The following LRRC8D variants were observed in gnomAD, a reference collection of about 807,000 sequenced individuals.
The protein encoded by LRRC8D is volume-regulated anion channel subunit LRRC8D.
Under a neutral mutation model 55.8 loss-of-function variants are expected in LRRC8D, and 20 were observed. That is an observed-to-expected ratio of 0.36 (90% CI 0.25 to 0.52). The LOEUF (loss-of-function observed/expected upper bound fraction) is 0.52. Ranked by LOEUF, LRRC8D falls within the 20% of genes least tolerant of loss-of-function variation. The pLI, the probability that LRRC8D is intolerant of heterozygous loss-of-function variation, is 0.93. For missense variants in LRRC8D, 651 were observed against 1,030.8 expected (o/e 0.63, Z 5.05); for synonymous variants, 352 against 377.0 (o/e 0.93, Z 0.77).
intron 2 of LRRC8D, among the ~76,000 whole-genome samples, chr1:89,879,910 T>C (rs1662237815): frequency 1.3e-5 from 2 of 152,130 alleles, no homozygotes; most frequent in Admixed American, 1.3e-4. Flanking sequence ...CTATGAAATG[T>C]ATTAAAATTG....
At chr1:89,822,329 G>A (rs1382194202) in intron 1 of LRRC8D, 1 of 152,842 alleles carries the variant, frequency 6.5e-6, no homozygotes, top group Non-Finnish European at 1.5e-5. Context: ...GATGTAGGCG[G>A]AGAGATGGGG....
intron 2 of LRRC8D, among the ~76,000 whole-genome samples, chr1:89,891,028 C>T (rs1662565064): frequency 6.6e-6 from 1 of 152,076 alleles, no homozygotes; most frequent in Non-Finnish European, 1.5e-5. Flanking sequence ...ACTGCAGGCG[C>T]CCACCACCAT....
intron 1 of LRRC8D, among the ~76,000 whole-genome samples, chr1:89,840,499 C>T (rs1661107704): frequency 6.6e-6 from 1 of 152,154 alleles, no homozygotes; most frequent in Non-Finnish European, 1.5e-5. Context: ...TGTGGCTGCC[C>T]TTCCCCCACA....
Position 89,821,246 on chromosome 1 carries a change from C to A in LRRC8D, c.-193C>A, listed in dbSNP as rs930739514. The A allele has an allele frequency of 6.6e-6, 1 of 152,576 alleles. No homozygotes were observed. The highest frequency in any genetic ancestry group is 2.4e-5 in the African/African-American group (1 of 41,418). The allele number at this position is 152,576 out of a possible 1,614,324, so 9.5% of individuals were successfully genotyped here. On this transcript the variant is annotated 5_prime_UTR_variant, in exon 1 of 3. Transcript: ENST00000337338. Reference sequence around the variant, plus strand: ...CCGCCGCGGGTGATGCCGCCACCTCCGGCCTCAGCATAAGCCGTGGCTTGG... The same window carrying A: ...CCGCCGCGGGTGATGCCGCCACCTCAGGCCTCAGCATAAGCCGTGGCTTGG...
At chr1:89,902,520 A>T (rs1662888538) in intron 2 of LRRC8D, among the ~76,000 whole-genome samples, 1 of 151,280 alleles carries the variant, frequency 6.6e-6, no homozygotes, top group Non-Finnish European at 1.5e-5. Flanking sequence ...TAATAAAAGG[A>T]TGTTTTCTTT....
intron 1 of LRRC8D, among the ~76,000 whole-genome samples, chr1:89,841,345 G>T (rs1243114968): frequency 1.3e-5 from 2 of 152,104 alleles, no homozygotes; most frequent in East Asian, 3.9e-4. Context: ...GAGGAGAAAA[G>T]GGTGGGTGAG....
intron 2 of LRRC8D, among the ~76,000 whole-genome samples, chr1:89,909,188 A>G (rs1224003066): frequency 6.6e-6 from 1 of 152,170 alleles, no homozygotes; most frequent in Non-Finnish European, 1.5e-5. Context: ...TGATGACAGT[A>G]TCTGATTTAG....
intron 2 of LRRC8D, among the ~76,000 whole-genome samples, chr1:89,891,247 A>G (rs549899295): frequency 2.6e-5 from 4 of 152,240 alleles, no homozygotes; most frequent in Non-Finnish European, 2.9e-5. Context: ...TACCTTGTCT[A>G]TCCATTTGGG....
chr1:89,837,266 A>G (rs67951971), intron 1 of LRRC8D, among the ~76,000 whole-genome samples: 13,653 of 152,182 alleles, frequency 0.09, 728 homozygotes, highest in East Asian at 0.22. Context: ...TTATTCAGCA[A>G]TGTGGCCCAG....
intron 2 of LRRC8D, among the ~76,000 whole-genome samples, chr1:89,887,981 A>G (rs1227919410): frequency 6.6e-6 from 1 of 152,216 alleles, no homozygotes. Context: ...GAAAAGATGT[A>G]AAAAGGCACC....
chr1:89,826,389 C>T (rs1048008150), intron 1 of LRRC8D, among the ~76,000 whole-genome samples: 7 of 152,054 alleles, frequency 4.6e-5, no homozygotes, highest in South Asian at 2.1e-4. Flanking sequence ...CTCAGCCTCC[C>T]GAGTAGCTGG....
chr1:89,852,957 T>C (rs532046819), intron 2 of LRRC8D, among the ~76,000 whole-genome samples: 1 of 152,322 alleles, frequency 6.6e-6, no homozygotes, highest in East Asian at 1.9e-4. Context: ...AAGTGTGAAC[T>C]TTATCCTGAC....
chr1:89,837,468 T>A (rs746358287), intron 1 of LRRC8D, among the ~76,000 whole-genome samples: 18 of 152,220 alleles, frequency 1.2e-4, no homozygotes, highest in Non-Finnish European at 2.2e-4. Context: ...CAATTGGGTC[T>A]TATGGGTAAG....
intron 2 of LRRC8D, among the ~76,000 whole-genome samples, chr1:89,859,899 A>G (rs1256084574): frequency 6.6e-6 from 1 of 152,236 alleles, no homozygotes; most frequent in Non-Finnish European, 1.5e-5. Context: ...AAATTGTTAA[A>G]TGACAAAAAT....
At chr1:89,878,617 A>G (rs1176558823) in intron 2 of LRRC8D, among the ~76,000 whole-genome samples, 1 of 152,224 alleles carries the variant, frequency 6.6e-6, no homozygotes, top group African/African-American at 2.4e-5. Context: ...GCTTGAAACT[A>G]TCTACAGTCT....
intron 2 of LRRC8D, among the ~76,000 whole-genome samples, chr1:89,869,329 C>T (rs138224761): frequency 1.3e-4 from 20 of 152,244 alleles, no homozygotes; most frequent in Non-Finnish European, 2.2e-4. Flanking sequence ...ATGAGAACTT[C>T]GTGAAGCATA....
chr1:89,850,198 T>C (rs555806252), intron 2 of LRRC8D, among the ~76,000 whole-genome samples: 9 of 152,340 alleles, frequency 5.9e-5, no homozygotes, highest in African/African-American at 2.2e-4. Flanking sequence ...TATATGTAGA[T>C]GTATCTTTCT....
chr1:89,885,852 G>A (rs1007280867), intron 2 of LRRC8D, among the ~76,000 whole-genome samples: 4 of 152,162 alleles, frequency 2.6e-5, no homozygotes, highest in African/African-American at 7.2e-5. Context: ...GGCAGAATGG[G>A]CAAGGAGTCA....
At chr1:89,866,606 G>A (rs1020062243) in intron 2 of LRRC8D, among the ~76,000 whole-genome samples, 2 of 152,124 alleles carry the variant, frequency 1.3e-5, no homozygotes, top group Non-Finnish European at 2.9e-5. Flanking sequence ...CATTCCTTTA[G>A]TTCTCTACTT....
Sources: allele counts gnomAD v4.1 joint callset (sites outside exome capture counted in the v4.1 genomes callset), GRCh38; gene constraint gnomAD v4.1.1; transcripts MANE v1.5; gene names NCBI Gene and HGNC (gene_info 2026-07-23, HGNC 2026-07-21).